Variants in CACNA2D3 observed in about 807,000 individuals in gnomAD.
CACNA2D3 encodes calcium voltage-gated channel auxiliary subunit alpha2delta 3.
A neutral mutation model predicts 160.6 loss-of-function variants in CACNA2D3; 60 were observed. That is an observed-to-expected ratio of 0.37 (90% CI 0.30 to 0.46). CACNA2D3 has a LOEUF of 0.46. Among genes scored for constraint, CACNA2D3 ranks in the 20% least tolerant of loss-of-function variants. The pLI, the probability that CACNA2D3 is intolerant of heterozygous loss-of-function variation, is 1.00. For missense variants in CACNA2D3, 1,205 were observed against 1,365.0 expected, an observed-to-expected ratio of 0.88 and a Z score of 1.85; for synonymous variants, 558 against 492.9, an observed-to-expected ratio of 1.13 and a Z score of -1.75.
chr3:54,927,881 C>A, intron 27 of CACNA2D3: 1 of 1,613,422 alleles, frequency 6.2e-7, no homozygotes, highest in Non-Finnish European at 8.5e-7. Context: ...AGAACTTTTC[C>A]AACGGGAATT....
chr3:54,930,485 G>A (rs886803455), intron 27 of CACNA2D3, among the ~76,000 whole-genome samples: 11 of 152,172 alleles, frequency 7.2e-5, no homozygotes, highest in African/African-American at 2.7e-4. Flanking sequence ...TGTCTATAAG[G>A]CCCAGCTGGG....
intron 2 of CACNA2D3, among the ~76,000 whole-genome samples, chr3:54,143,740 C>G (rs1339949527): frequency 1.3e-5 from 2 of 152,148 alleles, no homozygotes; most frequent in African/African-American, 4.8e-5. Flanking sequence ...ATCTTGTGAT[C>G]CACCTGCCTC....
intron 2 of CACNA2D3, among the ~76,000 whole-genome samples, chr3:54,197,934 GCTT>G (rs1559879306): frequency 6.6e-6 from 1 of 152,214 alleles, no homozygotes; most frequent in Non-Finnish European, 1.5e-5. Context: ...CTTGGGAGCT[GCTT>G]TCTCTGTGAG....
At chr3:54,231,944 C>G (rs963765552) in intron 2 of CACNA2D3, among the ~76,000 whole-genome samples, 2 of 152,222 alleles carry the variant, frequency 1.3e-5, no homozygotes, top group African/African-American at 4.8e-5. Context: ...CTTGGCGCAG[C>G]TGCCGTTGCT....
At chr3:55,015,334 C>T (rs1416878989) in intron 34 of CACNA2D3, among the ~76,000 whole-genome samples, 2 of 152,138 alleles carry the variant, frequency 1.3e-5, no homozygotes, top group Admixed American at 6.6e-5. Flanking sequence ...ATTCTTTTTC[C>T]TCCATTCACC....
intron 2 of CACNA2D3, among the ~76,000 whole-genome samples, chr3:54,311,587 A>G (rs1172010973): frequency 3.9e-5 from 6 of 152,108 alleles, no homozygotes; most frequent in Non-Finnish European, 1.5e-5. Context: ...ACATACCTCT[A>G]CTGCAGACCA....
Position 55,023,631 on chromosome 3 carries a change from T to G in CACNA2D3, c.2987+5314T>G, listed in dbSNP as rs992239709. Among the ~76,000 whole-genome samples, 3 of 152,170 alleles carry G rather than the reference T, an allele frequency of 2.0e-5. No individual in the cohort carries two copies. In the South Asian group the frequency reaches 6.2e-4, roughly 31 times the overall value. On this transcript the variant is annotated intron_variant, in intron 35 of 37. Transcript: ENST00000474759. ...TTAACTGTGAATTGATCTCTACTAT[T>G]AAATATTATTTCTCTGGGAACAGAA...
chr3:54,256,867 C>T (rs1702306731), intron 2 of CACNA2D3, among the ~76,000 whole-genome samples: 1 of 151,964 alleles, frequency 6.6e-6, no homozygotes, highest in South Asian at 2.1e-4. Context: ...TAAGGAGCCT[C>T]TCTGATTAAC....
chr3:54,976,382 G>C (rs1348663021), intron 29 of CACNA2D3, among the ~76,000 whole-genome samples: 1 of 151,768 alleles, frequency 6.6e-6, no homozygotes, highest in African/African-American at 2.4e-5. Context: ...CCTAATGCTA[G>C]ATGACGAGTT....
rs1701833442 is a variant in CACNA2D3, at chr3:54,533,306, T to C, written c.545-29494T>C. ...CTAGCTAGGTTGTACCATGGTACCA[T>C]GGGCTAACGTATTTTCTTTTCTTTC... is the stretch of plus-strand genomic sequence containing the variant. On this transcript the variant is annotated intron_variant, in intron 5 of 37. Transcript: ENST00000474759. Among the ~76,000 whole-genome samples the C allele has an allele frequency of 3.3e-5, 5 of 150,186 alleles. No individual in the cohort carries two copies. In the South Asian group the frequency reaches 1.1e-3, roughly 32 times the overall value.
At chr3:54,191,047 CAA>C (rs35592309) in intron 2 of CACNA2D3, among the ~76,000 whole-genome samples, 137 of 103,494 alleles carry the variant, frequency 1.3e-3, no homozygotes, top group Admixed American at 1.6e-3. Flanking sequence ...TAGGTGGAAG[CAA>C]AAAAAAAAAA....
At chr3:54,280,412 A>G (rs1238505864) in intron 2 of CACNA2D3, among the ~76,000 whole-genome samples, 1 of 152,086 alleles carries the variant, frequency 6.6e-6, no homozygotes, top group Admixed American at 6.6e-5. Context: ...TTTATTAAGC[A>G]CCTATGAGTC....
intron 5 of CACNA2D3, among the ~76,000 whole-genome samples, chr3:54,521,388 C>T (rs561799774): frequency 1.3e-5 from 2 of 152,092 alleles, no homozygotes; most frequent in Admixed American, 6.5e-5. Flanking sequence ...CATCTTTAAT[C>T]GGGTAGTCTT....
intron 9 of CACNA2D3, among the ~76,000 whole-genome samples, chr3:54,586,772 G>A (rs967007374): frequency 6.6e-6 from 1 of 152,076 alleles, no homozygotes; most frequent in African/African-American, 2.4e-5. Flanking sequence ...AACATCCTGG[G>A]TCATAGTAGA....
intron 2 of CACNA2D3, among the ~76,000 whole-genome samples, chr3:54,200,533 C>G (rs1701159856): frequency 6.6e-6 from 1 of 152,154 alleles, no homozygotes; most frequent in South Asian, 2.1e-4. Context: ...CGAGTGCCTC[C>G]TAACATAGAA....
intron 2 of CACNA2D3, among the ~76,000 whole-genome samples, chr3:54,130,575 C>T (rs1227615424): frequency 7.7e-6 from 1 of 129,376 alleles, no homozygotes; most frequent in Admixed American, 7.3e-5. Flanking sequence ...CTCCCAGCAA[C>T]CTAATGAGGT....
chr3:54,463,462 T>A (rs1357618796), intron 4 of CACNA2D3, among the ~76,000 whole-genome samples: 1 of 152,208 alleles, frequency 6.6e-6, no homozygotes, highest in Non-Finnish European at 1.5e-5. Context: ...TCTTGGAGGC[T>A]TTGTTCATTT....
chr3:54,911,258 A>G (rs574244134), intron 27 of CACNA2D3, among the ~76,000 whole-genome samples: 29 of 151,224 alleles, frequency 1.9e-4, no homozygotes, highest in Middle Eastern at 6.8e-3. Flanking sequence ...ATTTGTTTGA[A>G]TCAGGATCTT....
chr3:54,962,487 G>A (rs1296435420), intron 27 of CACNA2D3, among the ~76,000 whole-genome samples: 1 of 152,160 alleles, frequency 6.6e-6, no homozygotes, highest in Non-Finnish European at 1.5e-5. Context: ...CATGAATGAT[G>A]ACAACACTAT....
Sources: allele counts gnomAD v4.1 joint callset (sites outside exome capture counted in the v4.1 genomes callset), GRCh38; gene constraint gnomAD v4.1.1; transcripts MANE v1.5; gene names NCBI Gene and HGNC (gene_info 2026-07-23, HGNC 2026-07-21).